The following NBPF9 variants were observed in gnomAD, a reference collection of about 807,000 sequenced individuals.
NBPF9 encodes NBPF member 9, also known as NBPF family member NBPF9.
A neutral mutation model predicts 97.8 loss-of-function variants in NBPF9; 91 were observed. The ratio of observed to expected loss-of-function variants is 0.93; its 90% CI spans 0.79 to 1.11. The LOEUF (loss-of-function observed/expected upper bound fraction) is 1.11, where lower values mean the gene tolerates loss of function less well. Ranked by LOEUF, NBPF9 falls within the 50% of genes least tolerant of loss-of-function variation. The pLI, the probability that NBPF9 is intolerant of heterozygous loss-of-function variation, is 0.00. For synonymous variants in NBPF9, 334 were observed against 359.5 expected (o/e 0.93, Z 0.80); for missense variants, 992 against 939.5 (o/e 1.06, Z -0.73).
At chr1:149,069,299 C>CA (rs1342280448) in intron 17 of NBPF9, among the ~76,000 whole-genome samples, 2 of 151,834 alleles carry the variant, frequency 1.3e-5, no homozygotes, top group East Asian at 1.9e-4. Context: ...GATAGAGACG[C>CA]AAAAAACCCT....
chr1:149,075,340 T>G (rs2079764960), intron 12 of NBPF9, among the ~76,000 whole-genome samples: 1 of 152,340 alleles, frequency 6.6e-6, no homozygotes, highest in Admixed American at 6.5e-5. Flanking sequence ...CTGCAGGATC[T>G]TATATGGTAG....
At chr1:149,086,239 T>C (rs1430948155) in intron 5 of NBPF9, among the ~76,000 whole-genome samples, 2 of 150,352 alleles carry the variant, frequency 1.3e-5, no homozygotes, top group East Asian at 3.9e-4. Flanking sequence ...CTAACAACTG[T>C]TTCAGTACCG....
intron 14 of NBPF9, among the ~76,000 whole-genome samples, 175 bp from the exon 15 acceptor site, chr1:149,071,851 A>G (rs2079438039): frequency 6.6e-6 from 1 of 151,126 alleles, no homozygotes; most frequent in African/African-American, 2.4e-5. Context: ...CCATCAGGCA[A>G]TGCATTTCTG....
At chr1:149,081,245 G>A (rs1181535015) in intron 7 of NBPF9, among the ~76,000 whole-genome samples, 10 of 150,744 alleles carry the variant, frequency 6.6e-5, no homozygotes, top group African/African-American at 2.0e-4. Context: ...TCAGCCTCCC[G>A]ATTAGTGGTG....
At chr1:149,069,114 T>A (rs2079210570) in intron 17 of NBPF9, among the ~76,000 whole-genome samples, 1 of 151,952 alleles carries the variant, frequency 6.6e-6, no homozygotes, top group Non-Finnish European at 1.5e-5. Context: ...CTGGGACACA[T>A]TTAAAGCAAT....
chr1:149,090,632 T>C (rs2152920798), intron 5 of NBPF9, 121 bp downstream of exon 5: 3 of 626,100 alleles, frequency 4.8e-6, no homozygotes, highest in East Asian at 5.6e-5. Flanking sequence ...TTTAAAGTGA[T>C]ACGAAGAAAA....
intron 5 of NBPF9, among the ~76,000 whole-genome samples, chr1:149,088,358 C>G (rs1318369670): frequency 2.1e-4 from 32 of 150,944 alleles, no homozygotes; most frequent in African/African-American, 7.6e-4. Context: ...TGAATAAAGA[C>G]AGCTTCAATT....
chr1:149,061,345 G>A (rs2152869803), exon 23 of NBPF9: 3 of 405,866 alleles, frequency 7.4e-6, no homozygotes, highest in African/African-American at 6.3e-5. Context: ...GGGCATGGTG[G>A]GCCTTGGTCT....
exon 30 of NBPF9, chr1:149,055,394 C>A (rs1440661531): frequency 1.5e-6 from 1 of 650,474 alleles, no homozygotes; most frequent in South Asian, 2.0e-5. Context: ...CCCAGAGATA[C>A]GTGGTTCAAA....
exon 30 of NBPF9, chr1:149,055,426 T>G (rs1575818381): frequency 1.4e-6 from 1 of 710,984 alleles, no homozygotes; most frequent in South Asian, 1.9e-5. Flanking sequence ...GACTGATCAC[T>G]CCCGGCATGT....
At chr1:149,094,143 AAAGAT>A (rs1348843390) in intron 4 of NBPF9, among the ~76,000 whole-genome samples, 7 of 152,110 alleles carry the variant, frequency 4.6e-5, no homozygotes, top group Non-Finnish European at 8.8e-5. Context: ...CTCCAAAAGA[AAAGAT>A]AAAATAAAGA....
intron 11 of NBPF9, among the ~76,000 whole-genome samples, chr1:149,076,643 C>G (rs587754434): frequency 6.7e-6 from 1 of 149,612 alleles, no homozygotes; most frequent in South Asian, 2.1e-4. Context: ...GCTGGGACTA[C>G]AGGCGCCCAC....
chr1:149,099,219 T>C (rs2081986042), intron 3 of NBPF9, among the ~76,000 whole-genome samples: 2 of 152,252 alleles, frequency 1.3e-5, no homozygotes, highest in South Asian at 4.1e-4. Context: ...CATCTACTGG[T>C]CTATCTGTAC....
intron 5 of NBPF9, among the ~76,000 whole-genome samples, chr1:149,084,420 T>C (rs1389486856): frequency 6.9e-6 from 1 of 145,694 alleles, no homozygotes; most frequent in African/African-American, 2.6e-5. Flanking sequence ...ATAACATGTG[T>C]ATATATATTA....
At chr1:149,070,320 CAAAAAAAAAAAAAA>C (rs3979925) in intron 16 of NBPF9, among the ~76,000 whole-genome samples, 5 of 47,808 alleles carry the variant, frequency 1.0e-4, no homozygotes, top group South Asian at 2.4e-3. Context: ...GACTCCATCG[CAAAAAAAAAAAAAA>C]AAAAAAAAAA....
intron 5 of NBPF9, among the ~76,000 whole-genome samples, chr1:149,083,739 T>TA (rs2080732678): frequency 6.6e-6 from 1 of 151,120 alleles, no homozygotes; most frequent in Non-Finnish European, 1.5e-5. Context: ...TTTAAGTTGT[T>TA]AAACAACAAC....
intron 5 of NBPF9, among the ~76,000 whole-genome samples, chr1:149,086,628 AGTT>A (rs1376824768): frequency 1.3e-5 from 2 of 152,272 alleles, no homozygotes; most frequent in African/African-American, 4.8e-5. Flanking sequence ...GATTAAAAGA[AGTT>A]AATCATTTAT....
exon 11 of NBPF9, chr1:149,077,359 G>A (rs1462309873): frequency 1.2e-6 from 2 of 1,609,780 alleles, no homozygotes; most frequent in Non-Finnish European, 1.7e-6. Context: ...TTGAACAAGT[G>A]ATGGCACATT....
In NBPF9 at chr1:149,074,803, TATC is replaced by T. The variant is rs1363534658; in HGVS notation, c.988+849_988+851del. Among the ~76,000 whole-genome samples the T allele has an allele frequency of 8.2e-5, 12 of 146,322 alleles. 1 individual carries two copies. The highest frequency in any genetic ancestry group is 4.3e-4 in the South Asian group (2 of 4,616). ...TCTGCTTTTTATTCTTATTTTTATTTATCATCATTATTATTATTATTATTATTT... is the reference window on the plus strand; with the variant it reads ...TCTGCTTTTTATTCTTATTTTTATTTATCATTATTATTATTATTATTATTT... On this transcript the variant is annotated intron_variant, in intron 12 of 29. Transcript: ENST00000584027.
Sources: allele counts gnomAD v4.1 joint callset (sites outside exome capture counted in the v4.1 genomes callset), GRCh38; gene constraint gnomAD v4.1.1; transcripts MANE v1.5; gene names NCBI Gene and HGNC (gene_info 2026-07-23, HGNC 2026-07-21).